Variants in KANSL1L observed in about 807,000 individuals in gnomAD.
KANSL1L encodes KAT8 regulatory NSL complex subunit 1-like protein.
In KANSL1L, 25 loss-of-function variants were observed where a neutral mutation model predicts 108.6. The observed-to-expected ratio is 0.23, with a 90% CI of 0.17 to 0.32. KANSL1L has a LOEUF of 0.32. Among genes scored for constraint, KANSL1L ranks in the 10% least tolerant of loss-of-function variants. The probability of loss-of-function intolerance (pLI) is 1.00; values close to 1 mark genes in which losing one functional copy is unlikely to be tolerated. For synonymous variants in KANSL1L, 405 were observed against 395.1 expected (o/e 1.03, Z -0.30); for missense variants, 1,137 against 1,125.7 (o/e 1.01, Z -0.14).
intron 2 of KANSL1L, chr2:210,151,943 G>GT (rs2095306608): frequency 6.6e-6 from 1 of 152,180 alleles, no homozygotes; most frequent in Admixed American, 6.5e-5. Context: ...TTCTAATTCT[G>GT]TAATTCTCAT....
chr2:210,055,431 A>ACATC (rs1447413813), intron 6 of KANSL1L, among the ~76,000 whole-genome samples: 1 of 152,222 alleles, frequency 6.6e-6, no homozygotes, highest in African/African-American at 2.4e-5. Context: ...GAACTGGGTA[A>ACATC]CAGGAAGAGA....
intron 3 of KANSL1L, among the ~76,000 whole-genome samples, chr2:210,109,979 G>A (rs1475907863): frequency 6.6e-6 from 1 of 152,086 alleles, no homozygotes. Context: ...GCCAGTAAAA[G>A]GCTTTTTATA....
intron 11 of KANSL1L, among the ~76,000 whole-genome samples, chr2:210,027,702 G>T (rs983892990): frequency 1.3e-5 from 2 of 152,154 alleles, no homozygotes; most frequent in African/African-American, 4.8e-5. Context: ...AATTTCTTTG[G>T]TGTGAAAATA....
chr2:210,043,904 T>C, intron 7 of KANSL1L, 35 bp downstream of exon 7: 3 of 1,405,368 alleles, frequency 2.1e-6, no homozygotes, highest in Non-Finnish European at 2.9e-6. Flanking sequence ...GTACAGAAAA[T>C]ATCGTTACTT....
At position 210,079,672 on chromosome 2, in the gene KANSL1L, G is replaced by A. The variant is rs1458870128; in HGVS notation, c.1551-3916C>T. 240 of 25,446 alleles carry A rather than the reference G, an allele frequency of 9.4e-3. 22 individuals are homozygous for A. Among genetic ancestry groups the A allele is most frequent in the East Asian group, 0.062 (50 of 812 alleles). The allele number at this position is 25,446 out of a possible 1,614,324, so 1.6% of individuals were successfully genotyped here. A position where few individuals can be genotyped will look rare whatever the true frequency, so the allele number is the denominator to read the frequency against. On this transcript the variant is annotated intron_variant, in intron 5 of 14. Transcript: ENST00000281772. ...TATATATATATATATATATGTATGT[G>A]TGTATATATATATATATATGTATGT...
rs538242782 is a variant in KANSL1L at position 210,137,057 on chromosome 2, C to T, written c.1089-7885G>A. On this transcript the variant is annotated intron_variant, in intron 2 of 14. Coordinates refer to ENST00000281772, the MANE Select transcript of KANSL1L (RefSeq NM_152519.4). ...CATTTGTACCTAAAATAAAGCAGTC[C>T]ACATTTAAAGCTTCATATCCTGGGT... 7.9e-5 allele frequency among the ~76,000 whole-genome samples: 12 copies of T among 152,140 alleles called. No homozygotes were observed. In the South Asian group the frequency reaches 2.5e-3, roughly 32 times the overall value.
chr2:210,082,057 C>CT (rs2094594490), intron 5 of KANSL1L, among the ~76,000 whole-genome samples: 1 of 152,174 alleles, frequency 6.6e-6, no homozygotes, highest in South Asian at 2.1e-4. Flanking sequence ...CCTCAGGCCT[C>CT]TGAGTAGCTG....
intron 8 of KANSL1L, among the ~76,000 whole-genome samples, chr2:210,033,123 T>C (rs2094043801): frequency 6.6e-6 from 1 of 152,072 alleles, no homozygotes; most frequent in South Asian, 2.1e-4. Context: ...AAGATGAGAC[T>C]AGAAAGAGTG....
chr2:210,093,237 C>T (rs2094707793), intron 5 of KANSL1L, among the ~76,000 whole-genome samples: 1 of 152,200 alleles, frequency 6.6e-6, no homozygotes. Context: ...CCTCAGCCTC[C>T]TGGATTCAGG....
intron 1 of KANSL1L, among the ~76,000 whole-genome samples, chr2:210,159,099 A>T (rs2095348511): frequency 6.6e-6 from 1 of 152,240 alleles, no homozygotes; most frequent in Non-Finnish European, 1.5e-5. Context: ...GGTTGCCAGT[A>T]TATTTAAAAT....
At chr2:210,146,429 T>C (rs2095266470) in intron 2 of KANSL1L, among the ~76,000 whole-genome samples, 1 of 152,222 alleles carries the variant, frequency 6.6e-6, no homozygotes, top group Non-Finnish European at 1.5e-5. Context: ...AAAACAAAGG[T>C]GATCGTTTCC....
intron 6 of KANSL1L, among the ~76,000 whole-genome samples, chr2:210,059,016 T>C (rs892576618): frequency 6.6e-6 from 1 of 151,648 alleles, no homozygotes; most frequent in Non-Finnish European, 1.5e-5. Flanking sequence ...ACATGAAATA[T>C]CGGGGGTGAA....
chr2:210,106,762 C>CA (rs367609630), intron 3 of KANSL1L, among the ~76,000 whole-genome samples: 63,917 of 123,320 alleles, frequency 0.52, 16,681 homozygotes, highest in Middle Eastern at 0.65. Context: ...GAGACTCTGT[C>CA]AAAAAAAAAA....
chr2:210,152,320 T>G (rs1021609410), intron 2 of KANSL1L: 6 of 152,222 alleles, frequency 3.9e-5, no homozygotes, highest in Non-Finnish European at 8.8e-5. Flanking sequence ...ATTTAGTCAA[T>G]TAAATAAAAT....
At chr2:210,060,812 A>C (rs1296186961) in intron 6 of KANSL1L, among the ~76,000 whole-genome samples, 1 of 152,270 alleles carries the variant, frequency 6.6e-6, no homozygotes, top group African/African-American at 2.4e-5. Flanking sequence ...AACCACCATG[A>C]TGGGGATAAT....
chr2:210,169,456 C>T (rs539852963), intron 1 of KANSL1L, among the ~76,000 whole-genome samples: 1 of 152,236 alleles, frequency 6.6e-6, no homozygotes, highest in African/African-American at 2.4e-5. Flanking sequence ...TATATGCAGA[C>T]AGAAATATTT....
At chr2:210,159,449 A>G (rs76044288) in intron 1 of KANSL1L, among the ~76,000 whole-genome samples, 2,563 of 152,264 alleles carry the variant, frequency 0.017, 77 homozygotes, top group African/African-American at 0.059. Flanking sequence ...ATTGCTCTTC[A>G]TAGCACTATT....
chr2:210,102,414 T>G (rs182161467), intron 4 of KANSL1L, among the ~76,000 whole-genome samples: 361 of 152,246 alleles, frequency 2.4e-3, no homozygotes, highest in African/African-American at 8.2e-3. Context: ...GGGCAAGGAC[T>G]TCATGTCTAA....
chr2:210,159,973 T>G (rs1338501374), intron 1 of KANSL1L, among the ~76,000 whole-genome samples: 1 of 151,986 alleles, frequency 6.6e-6, no homozygotes, highest in African/African-American at 2.4e-5. Flanking sequence ...GAGGTGGAGC[T>G]TGCAGTGAGC....
Sources: gnomAD v4.1 joint callset for allele counts (sites outside exome capture counted in the v4.1 genomes callset) on GRCh38, gnomAD v4.1.1 for gene constraint, MANE v1.5 for transcripts, NCBI Gene and HGNC (gene_info 2026-07-23, HGNC 2026-07-21) for gene names.